Variants in GABRG1 observed in about 807,000 individuals in gnomAD.
The protein encoded by GABRG1 is gamma-aminobutyric acid type A receptor subunit gamma1.
GABRG1 carries 49 observed loss-of-function variants against 49.8 expected under a neutral mutation model. That is an observed-to-expected ratio of 0.98 (90% CI 0.78 to 1.25). The LOEUF is 1.25. Ranked by LOEUF, GABRG1 falls within the 50% of genes most tolerant of loss-of-function variation. The pLI is 0.00. For synonymous variants in GABRG1, 232 were observed against 185.1 expected, an observed-to-expected ratio of 1.25 and a Z score of -2.06; for missense variants, 552 against 552.3, an observed-to-expected ratio of 1.00 and a Z score of 0.01.
At chr4:46,053,302 T>C (rs957815472) in intron 7 of GABRG1, among the ~76,000 whole-genome samples, 1 of 151,916 alleles carries the variant, frequency 6.6e-6, no homozygotes, top group Non-Finnish European at 1.5e-5. Context: ...GAAAATATTG[T>C]GTGCTCTGAA....
intron 7 of GABRG1, among the ~76,000 whole-genome samples, chr4:46,056,119 GAAA>G (rs1718416587): frequency 2.2e-4 from 1 of 4,636 alleles, no homozygotes; most frequent in Non-Finnish European, 3.9e-4. Context: ...AAAAAAAAAA[GAAA>G]GGAAAAAAAA....
intron 4 of GABRG1, among the ~76,000 whole-genome samples, chr4:46,065,069 TACTC>T (rs1718855566): frequency 6.6e-6 from 1 of 152,188 alleles, no homozygotes; most frequent in Non-Finnish European, 1.5e-5. Context: ...GAGGAAATCT[TACTC>T]AATTATTTGC....
chr4:46,041,088 T>C lies in GABRG1; in HGVS notation c.1298A>G (p.His433Arg), dbSNP rs1717757600. 6.2e-7 allele frequency: 1 copy of C among 1,613,232 alleles called. No individual in the cohort carries two copies. Among genetic ancestry groups the C allele is most frequent in the Non-Finnish European group, 8.5e-7 (1 of 1,179,418 alleles). ...AGAGTCAATTTTGGCAATGCGTATG[T>C]GTATCCTTCCTTCCCTCCAAGATCC... The part of the protein sequence containing the change: ...RTGSWREGRI[H>R]IRIAKIDSYS... Residue 433 changes from histidine (H) to arginine (R), a missense_variant, in exon 9 of 9, where the codon CAC becomes CGC. Coordinates refer to ENST00000295452, the MANE Select transcript of GABRG1 (RefSeq NM_173536.4).
chr4:46,061,626 T>C (rs977452133), intron 5 of GABRG1, among the ~76,000 whole-genome samples: 12 of 151,866 alleles, frequency 7.9e-5, no homozygotes, highest in Admixed American at 3.9e-4. Flanking sequence ...AAAATTAATA[T>C]AGCTCTGGAA....
At chr4:46,060,075 A>G (rs929851059) in intron 5 of GABRG1, among the ~76,000 whole-genome samples, 1 of 152,200 alleles carries the variant, frequency 6.6e-6, no homozygotes, top group Non-Finnish European at 1.5e-5. Flanking sequence ...TTTCTAAAAA[A>G]TATTTCTGTT....
intron 3 of GABRG1, among the ~76,000 whole-genome samples, chr4:46,072,868 A>G (rs1188010327): frequency 6.7e-6 from 1 of 149,978 alleles, no homozygotes; most frequent in East Asian, 1.9e-4. Context: ...TTTTAAACTT[A>G]CTTTGCCTCT....
chr4:46,058,583 T>C lies in GABRG1; in HGVS notation c.665A>G (p.Lys222Arg). ...PKNEIEYKWK[K>R]PSVEVADPKY... is the part of the protein sequence containing the mutation. Reference sequence around the variant, plus strand: ...AGGATCAGCCACTTCTACGGAGGGCTTTTTCCACTTATACTCAATTTCATT... The same window carrying C: ...AGGATCAGCCACTTCTACGGAGGGCCTTTTCCACTTATACTCAATTTCATT... Residue 222 changes from lysine to arginine, a missense_variant, in exon 6 of 9, where the codon AAG becomes AGG. Physicochemically the swap from Lys to Arg is conservative, Grantham distance 26. Transcript: ENST00000295452. 6.2e-7 allele frequency: 1 copy of C among 1,610,714 alleles called. No individual in the cohort carries two copies. Among genetic ancestry groups the C allele is most frequent in the Admixed American group, 1.7e-5 (1 of 59,834 alleles).
intron 5 of GABRG1, among the ~76,000 whole-genome samples, chr4:46,060,921 A>G (rs1370376488): frequency 1.3e-5 from 2 of 152,184 alleles, no homozygotes; most frequent in Admixed American, 6.5e-5. Context: ...TGGGACTGCA[A>G]TGAAATCTTC....
At chr4:46,119,123 G>A (rs529762181) in intron 1 of GABRG1, among the ~76,000 whole-genome samples, 3 of 151,184 alleles carry the variant, frequency 2.0e-5, no homozygotes, top group South Asian at 2.1e-4. Context: ...GTGTTTGTCT[G>A]CGTCAAGTAC....
intron 3 of GABRG1, among the ~76,000 whole-genome samples, chr4:46,076,283 T>G (rs188943470): frequency 1.8e-4 from 27 of 149,086 alleles, no homozygotes; most frequent in Admixed American, 4.0e-4. Context: ...AACTAACATA[T>G]GTATCTCTAC....
At chr4:46,045,383 G>T (rs140864542) in intron 8 of GABRG1, among the ~76,000 whole-genome samples, 36 of 151,970 alleles carry the variant, frequency 2.4e-4, no homozygotes, top group African/African-American at 8.4e-4. Flanking sequence ...AGGAAAATCT[G>T]GAATATATGC....
intron 2 of GABRG1, among the ~76,000 whole-genome samples, chr4:46,095,544 G>C (rs575139976): frequency 2.0e-5 from 3 of 151,430 alleles, no homozygotes; most frequent in Non-Finnish European, 4.4e-5. Flanking sequence ...GAAAAAAAAA[G>C]ACTAAGTAAA....
intron 1 of GABRG1, among the ~76,000 whole-genome samples, chr4:46,112,023 G>A (rs759165914): frequency 6.6e-6 from 1 of 151,182 alleles, no homozygotes; most frequent in Non-Finnish European, 1.5e-5. Flanking sequence ...CTTCTGCAGA[G>A]CAAAAACAAC....
At position 46,058,299 on chromosome 4, in the gene GABRG1, G is replaced by A. The variant is rs1406750682; in HGVS notation, c.834C>T (p.Tyr278=). 2 of 1,612,938 alleles carry A rather than the reference G, an allele frequency of 1.2e-6. No individual in the cohort carries two copies. Among genetic ancestry groups the A allele is most frequent in the Non-Finnish European group, 1.7e-6 (2 of 1,179,300 alleles). The change falls in exon 7 of 9, where the codon TAC becomes TAT. Residue 278 remains tyrosine (Y), a synonymous_variant. Transcript: ENST00000295452. ...GAACAACTGTCAGAATGCATGGAAT[G>A]TAGGTCTGAATAGTGAAATATCCCA... ...RRMGYFTIQT[Y]IPCILTVVLS...
intron 1 of GABRG1, among the ~76,000 whole-genome samples, chr4:46,098,465 A>T (rs1720263876): frequency 6.6e-6 from 1 of 151,696 alleles, no homozygotes. Flanking sequence ...GTTTCCCTCA[A>T]ACAGTAAATA....
At chr4:46,111,604 T>C (rs1218928464) in intron 1 of GABRG1, among the ~76,000 whole-genome samples, 2 of 151,284 alleles carry the variant, frequency 1.3e-5, no homozygotes, top group Non-Finnish European at 3.0e-5. Context: ...ATGAAAAGGC[T>C]GCAGTAACCA....
intron 1 of GABRG1, among the ~76,000 whole-genome samples, chr4:46,120,804 A>G (rs1340271815): frequency 6.6e-6 from 1 of 151,816 alleles, no homozygotes. Flanking sequence ...GTTCTGAAAA[A>G]AGAAAATTGT....
rs769386683 is a variant in GABRG1 at position 46,040,956 on chromosome 4, A to G, written c.*32T>C. ...AAAAGATTCTACTGAATTTAGTCAG[A>G]CTTCTTTTGATTTTTGCTTATGAAG... On this transcript the variant is annotated 3_prime_UTR_variant, in exon 9 of 9. Transcript: ENST00000295452. The G allele has an allele frequency of 4.4e-6, 7 of 1,584,518 alleles. No individual in the cohort carries two copies. The highest frequency in any genetic ancestry group is 8.6e-7 in the Non-Finnish European group (1 of 1,165,220).
chr4:46,123,788 T>G (rs754750796), intron 1 of GABRG1, 22 bp downstream of exon 1: 1 of 1,562,310 alleles, frequency 6.4e-7, no homozygotes, highest in Non-Finnish European at 8.8e-7. Flanking sequence ...AAGAATAGTT[T>G]TAAACCCCTG....
Sources: allele counts gnomAD v4.1 joint callset (sites outside exome capture counted in the v4.1 genomes callset), GRCh38; gene constraint gnomAD v4.1.1; transcripts MANE v1.5; gene names NCBI Gene and HGNC (gene_info 2026-07-23, HGNC 2026-07-21).